The following UPB1 variants were observed in gnomAD, a reference collection of about 807,000 sequenced individuals.
The protein encoded by UPB1 is beta-ureidopropionase 1.
Under a neutral mutation model 49.1 loss-of-function variants are expected in UPB1, and 40 were observed. The observed-to-expected ratio is 0.81, with a 90% CI of 0.63 to 1.06. The LOEUF (loss-of-function observed/expected upper bound fraction) is 1.06. Among genes scored for constraint, UPB1 ranks in the 50% least tolerant of loss-of-function variants. UPB1 has a pLI of 0.00. For missense variants in UPB1, 499 were observed against 505.9 expected, an observed-to-expected ratio of 0.99 and a Z score of 0.13; for synonymous variants, 207 against 198.2, an observed-to-expected ratio of 1.04 and a Z score of -0.38.
intron 3 of UPB1, among the ~76,000 whole-genome samples, chr22:24,506,338 TAGACCTTTGACC>T (rs2044091067): frequency 6.6e-6 from 1 of 152,158 alleles, no homozygotes; most frequent in Admixed American, 6.5e-5. Flanking sequence ...GCTTCTTAAA[TAGACCTTTGACC>T]AGTCCTTGTT....
intron 3 of UPB1, among the ~76,000 whole-genome samples, chr22:24,505,703 TTTTTTA>T (rs1473141461): frequency 1.3e-5 from 2 of 152,256 alleles, no homozygotes; most frequent in East Asian, 3.9e-4. Flanking sequence ...AACTGCTTCT[TTTTTTA>T]TTTTTATTTT....
At position 24,500,087 on chromosome 22, in the gene UPB1, CTT is replaced by C; in HGVS notation, c.105-15_105-14del. On this transcript the variant is annotated intron_variant, in intron 1 of 9. Transcript: ENST00000326010. ...AGACTGCATCAAAATCCCCTTCCCTCTTTTTTCCTGCCCATCTAGGAAGCTTG... is the reference window on the plus strand; with the variant it reads ...AGACTGCATCAAAATCCCCTTCCCTCTTTTCCTGCCCATCTAGGAAGCTTG... 1 of 1,613,998 alleles carries C rather than the reference CTT, an allele frequency of 6.2e-7. No homozygotes were observed. The highest frequency in any genetic ancestry group is 8.5e-7 in the Non-Finnish European group (1 of 1,180,016).
chr22:24,523,139 T>C (rs1357378342), intron 8 of UPB1, among the ~76,000 whole-genome samples: 3 of 152,114 alleles, frequency 2.0e-5, no homozygotes, highest in African/African-American at 7.2e-5. Context: ...GCCTGCTGCA[T>C]CTGGGCCATG....
intron 3 of UPB1, among the ~76,000 whole-genome samples, 159 bp from the exon 4 acceptor site, chr22:24,510,590 A>C (rs1370364779): frequency 1.3e-5 from 2 of 152,208 alleles, no homozygotes; most frequent in African/African-American, 4.8e-5. Context: ...TGAAGCCCAG[A>C]GGTAAGGGCT....
At chr22:24,499,960 G>A (rs990585329) in intron 1 of UPB1, 147 bp from the exon 2 acceptor site, 96 of 1,201,946 alleles carry the variant, frequency 8.0e-5, no homozygotes, top group Non-Finnish European at 1.1e-4. Context: ...CTGCTCGCCA[G>A]CTCCCTTGGG....
chr22:24,514,322 G>A (rs1440229295), intron 5 of UPB1, among the ~76,000 whole-genome samples: 10 of 152,122 alleles, frequency 6.6e-5, no homozygotes, highest in Admixed American at 5.9e-4. Flanking sequence ...GCTGGAGGTG[G>A]GGGTGGGAAG....
intron 8 of UPB1, 27 bp downstream of exon 8, chr22:24,522,055 C>T (rs2044404242): frequency 3.7e-6 from 6 of 1,612,824 alleles, no homozygotes; most frequent in Non-Finnish European, 4.2e-6. Context: ...ATGGTGGCTG[C>T]AGTTGAGGAG....
intron 3 of UPB1, chr22:24,503,204 A>G (rs1372715802): frequency 6.6e-6 from 1 of 152,102 alleles, no homozygotes; most frequent in African/African-American, 2.4e-5. Context: ...CAATTCCTAA[A>G]TCTCCCTTAA....
At position 24,525,973 on chromosome 22, in the gene UPB1, A is replaced by G; in HGVS notation, c.*179A>G. Reference sequence around the variant, plus strand: ...CTTCTTAATGGGTAAGGGGCTGCTTACTTCTGGGGTATTGGAAATGTTTGG... The same window carrying G: ...CTTCTTAATGGGTAAGGGGCTGCTTGCTTCTGGGGTATTGGAAATGTTTGG... On this transcript the variant is annotated 3_prime_UTR_variant, in exon 10 of 10. Transcript: ENST00000326010. 1 of 701,022 alleles carries G rather than the reference A, an allele frequency of 1.4e-6. No homozygotes were observed. The highest frequency in any genetic ancestry group is 2.5e-6 in the Non-Finnish European group (1 of 399,132). 43.4% of individuals were successfully genotyped at this position (701,022 alleles called of 1,614,324 possible). A position where few individuals can be genotyped will look rare whatever the true frequency, so the allele number is the denominator to read the frequency against.
At position 24,519,259 on chromosome 22, in the gene UPB1, T is replaced by C. The variant is rs1298836763; in HGVS notation, c.792-1128T>C. On this transcript the variant is annotated intron_variant, in intron 6 of 9. Transcript: ENST00000326010. The stretch of plus-strand genomic sequence containing the variant: ...TGAATCCTCCTGAGAATTAGGCTTA[T>C]GACAAGCACCCACCCCCTCCACCTA... 2.0e-5 allele frequency among the ~76,000 whole-genome samples: 3 copies of C among 152,162 alleles called. No individual in the cohort carries two copies. The East Asian group carries it at 5.8e-4, about 29-fold the overall frequency.
At position 24,496,400 on chromosome 22, in the gene UPB1, CACAT is replaced by C. The variant is rs747716501; in HGVS notation, c.104+897_104+900del. On this transcript the variant is annotated intron_variant, in intron 1 of 9. Transcript: ENST00000326010. ...ACACACACACACACACACACACACA[CACAT>C]ACACACACACACACACACACACGTC... Among the ~76,000 whole-genome samples, 634 of 127,322 alleles carry C rather than the reference CACAT, an allele frequency of 5.0e-3. 6 individuals carry two copies. Among genetic ancestry groups the C allele is most frequent in the East Asian group, 0.027 (128 of 4,824 alleles). 83.5% of individuals were successfully genotyped at this position (127,322 alleles called of 152,430 possible). A position where few individuals can be genotyped will look rare whatever the true frequency, so the allele number is the denominator to read the frequency against.
At chr22:24,509,490 C>T (rs1301305303) in intron 3 of UPB1, among the ~76,000 whole-genome samples, 2 of 150,916 alleles carry the variant, frequency 1.3e-5, no homozygotes, top group African/African-American at 4.9e-5. Flanking sequence ...TTAATCCTTG[C>T]AGATGTTCAT....
intron 4 of UPB1, among the ~76,000 whole-genome samples, chr22:24,512,652 A>G (rs2044226470): frequency 6.6e-6 from 1 of 152,168 alleles, no homozygotes; most frequent in African/African-American, 2.4e-5. Context: ...GCATCTTGCA[A>G]ATCTGACTCT....
chr22:24,512,131 TA>T (rs57619907), intron 4 of UPB1, among the ~76,000 whole-genome samples: 2,344 of 150,866 alleles, frequency 0.016, 59 homozygotes, highest in African/African-American at 0.055. Context: ...TCTCAGGCTG[TA>T]GGGGAAAAAA....
intron 6 of UPB1, chr22:24,518,226 A>T (rs2044330686): frequency 6.6e-6 from 1 of 152,152 alleles, no homozygotes; most frequent in Admixed American, 6.5e-5. Context: ...ATAAGGGAAA[A>T]GCTGACAGCG....
rs2044005845 is a variant in UPB1 at position 24,502,210 on chromosome 22, T to C, written c.361T>C (p.Trp121Arg). 6.2e-7 allele frequency: 1 copy of C among 1,614,010 alleles called. No homozygotes were observed. The highest frequency in any genetic ancestry group is 1.1e-5 in the South Asian group (1 of 91,092). Reference protein sequence around the residue: ...GVNIICFQEAWTMPFAFCTRE... With the variant: ...GVNIICFQEARTMPFAFCTRE... Reference sequence around the variant, plus strand: ...CAACATCATCTGTTTCCAGGAAGCATGGAGTGAGTCTTTTTTATGGTGCTT... The same window carrying C: ...CAACATCATCTGTTTCCAGGAAGCACGGAGTGAGTCTTTTTTATGGTGCTT... Residue 121 changes from tryptophan to arginine, a missense_variant, in exon 3 of 10, where the codon TGG becomes CGG. Transcript: ENST00000326010.
Position 24,526,813 on chromosome 22 carries a change from T to C in UPB1, c.*1019T>C, listed in dbSNP as rs1323775028. 6.6e-6 allele frequency: 1 copy of C among 152,208 alleles called. No individual in the cohort carries two copies. The highest frequency in any genetic ancestry group is 1.5e-5 in the Non-Finnish European group (1 of 68,048). The allele number at this position is 152,208 out of a possible 1,614,324, so 9.4% of individuals were successfully genotyped here. A position where few individuals can be genotyped will look rare whatever the true frequency, so the allele number is the denominator to read the frequency against. ...CATGGTGCAGCAATAGTTATTTATG[T>C]GCGAGACTAGCCATCAGCCATCAGT... On this transcript the variant is annotated 3_prime_UTR_variant, in exon 10 of 10. Transcript: ENST00000326010.
Position 24,521,888 on chromosome 22 carries a change from C to G in UPB1, c.874-98C>G, listed in dbSNP as rs1276971003. 11 of 1,316,342 alleles carry G rather than the reference C, an allele frequency of 8.4e-6. No individual in the cohort carries two copies. The Admixed American group carries it at 1.3e-4, about 15-fold the overall frequency. 81.5% of individuals were successfully genotyped at this position (1,316,342 alleles called of 1,614,324 possible). On this transcript the variant is annotated intron_variant, in intron 7 of 9. Coordinates refer to ENST00000326010, the MANE Select transcript of UPB1 (RefSeq NM_016327.3). ...TAACTGTTTCCTGGCTGACTCGCCTCTCGGCCTGATTGCCCTGCTCATCTG... is the reference window on the plus strand; with the variant it reads ...TAACTGTTTCCTGGCTGACTCGCCTGTCGGCCTGATTGCCCTGCTCATCTG...
At chr22:24,500,384 G>T in intron 2 of UPB1, 106 bp downstream of exon 2, 1 of 1,518,284 alleles carries the variant, frequency 6.6e-7, no homozygotes, top group East Asian at 2.3e-5. Context: ...CTGCAGGCTT[G>T]GGCGCCTCAA....
Sources: allele counts gnomAD v4.1 joint callset (sites outside exome capture counted in the v4.1 genomes callset), GRCh38; gene constraint gnomAD v4.1.1; transcripts MANE v1.5; gene names NCBI Gene and HGNC (gene_info 2026-07-23, HGNC 2026-07-21).